Variants in KIF15 observed in about 807,000 individuals in gnomAD.
The protein encoded by KIF15 is kinesin family member 15.
In KIF15, 140 loss-of-function variants were observed where a neutral mutation model predicts 190.6. The observed-to-expected ratio is 0.73, with a 90% CI of 0.64 to 0.84. The LOEUF (loss-of-function observed/expected upper bound fraction) is 0.84. Ranked by LOEUF, KIF15 falls within the 40% of genes least tolerant of loss-of-function variation. The pLI, the probability that KIF15 is intolerant of heterozygous loss-of-function variation, is 0.00. For missense variants in KIF15, 1,372 were observed against 1,584.4 expected (o/e 0.87, Z 2.28); for synonymous variants, 528 against 551.3 (o/e 0.96, Z 0.59).
At chr3:44,864,118 C>T in intron 6 of KIF15, 1 of 1,583,074 alleles carries the variant, frequency 6.3e-7, no homozygotes, top group Non-Finnish European at 8.6e-7. Flanking sequence ...CCAGCAACCA[C>T]AGTCCTGGGT....
chr3:44,865,028 T>A (rs200958031), intron 6 of KIF15: 1 of 1,613,922 alleles, frequency 6.2e-7, no homozygotes, highest in South Asian at 1.1e-5. Flanking sequence ...CACAGCTATC[T>A]TTGTCTCGCA....
rs1262243626 is a variant in KIF15 at position 44,828,196 on chromosome 3, AT to A, written c.2857-15del. 2 of 1,579,640 alleles carry A rather than the reference AT, an allele frequency of 1.3e-6. No homozygotes were observed. The highest frequency in any genetic ancestry group is 1.7e-6 in the Non-Finnish European group (2 of 1,150,382). ...GCGATTTAATTATTCTTCTAAAAAT[AT>A]TTCTTTTTCACCATAGATGGCAAAA... is the stretch of plus-strand genomic sequence containing the variant. On this transcript the variant is annotated splice_polypyrimidine_tract_variant and intron_variant, in intron 23 of 34. Coordinates refer to ENST00000326047, the MANE Select transcript of KIF15 (RefSeq NM_020242.3).
rs1276739804 is a variant in KIF15 at position 44,801,959 on chromosome 3, A to G, written c.1494A>G (p.Gln498=). The change falls in exon 13 of 35, where the codon CAA becomes CAG. Residue 498 remains glutamine, a synonymous_variant. Transcript: ENST00000326047. ...TCTCAGAATTAAGGAATGAGATTCA[A>G]ACTCTGCGAGAACAAGTGAGTATAC... ...RLLSELRNEI[Q]TLREQIEHHP... 2.5e-6 allele frequency: 4 copies of G among 1,610,636 alleles called. No individual in the cohort carries two copies. In the Admixed American group the frequency reaches 6.7e-5, roughly 27 times the overall value.
intron 31 of KIF15, among the ~76,000 whole-genome samples, 161 bp from the exon 32 acceptor site, chr3:44,848,360 G>A (rs1249973784): frequency 5.9e-5 from 9 of 152,186 alleles, no homozygotes; most frequent in Non-Finnish European, 1.2e-4. Flanking sequence ...TTGGAAATAG[G>A]TACTTACTTT....
chr3:44,782,993 TAAAC>T (rs1575588176), intron 5 of KIF15, among the ~76,000 whole-genome samples: 1 of 152,116 alleles, frequency 6.6e-6, no homozygotes, highest in Admixed American at 6.5e-5. Flanking sequence ...TTTTTTAAAA[TAAAC>T]AAATAGGAAG....
downstream of KIF15, among the ~76,000 whole-genome samples, chr3:44,854,144 G>GGA (rs1424468854): frequency 6.6e-6 from 1 of 152,076 alleles, no homozygotes; most frequent in Non-Finnish European, 1.5e-5. Flanking sequence ...CAGCACTTTG[G>GGA]GAGGCCAAGG....
Position 44,774,408 on chromosome 3 carries a change from C to T in KIF15, c.33C>T (p.Ser11=), listed in dbSNP as rs139514584. Residue 11 remains serine (S), a synonymous_variant, in exon 2 of 35, where the codon AGC becomes AGT. Transcript: ENST00000326047. ...TTTTTTTTCTAGCTGAGTTACGCAG[C>T]GTGACAAATGGTCAGTCTAACCAAC... is the stretch of plus-strand genomic sequence containing the variant. MAPGCKTELR[S]VTNGQSNQPS... is the part of the protein sequence containing the mutation. 2.0e-4 allele frequency: 323 copies of T among 1,612,176 alleles called. 2 individuals are homozygous for T. Among genetic ancestry groups the T allele is most frequent in the Admixed American group, 1.3e-4 (8 of 59,894 alleles).
chr3:44,768,118 C>CA (rs1420304772), intron 1 of KIF15, among the ~76,000 whole-genome samples: 4 of 151,312 alleles, frequency 2.6e-5, no homozygotes, highest in African/African-American at 4.9e-5. Context: ...TACTAAAATA[C>CA]AAAAAATTAG....
At chr3:44,789,686 AT>A (rs1291742401) in intron 7 of KIF15, among the ~76,000 whole-genome samples, 15 of 83,800 alleles carry the variant, frequency 1.8e-4, no homozygotes, top group African/African-American at 6.4e-4. Flanking sequence ...ATATATATAT[AT>A]ATATAAAATA....
chr3:44,836,177 T>A (rs1220761921), intron 26 of KIF15, among the ~76,000 whole-genome samples: 1 of 151,924 alleles, frequency 6.6e-6, no homozygotes, highest in Non-Finnish European at 1.5e-5. Flanking sequence ...CGAAACCCCA[T>A]CTCTACTAAA....
chr3:44,788,291 T>G (rs576197044), intron 7 of KIF15, among the ~76,000 whole-genome samples: 1 of 152,352 alleles, frequency 6.6e-6, no homozygotes, highest in Admixed American at 6.5e-5. Context: ...TTGATGCTTT[T>G]TCCACCATTG....
intron 20 of KIF15, among the ~76,000 whole-genome samples, chr3:44,820,358 T>C (rs1243610686): frequency 1.3e-5 from 2 of 151,984 alleles, no homozygotes; most frequent in Admixed American, 1.3e-4. Context: ...TTTAAACTTT[T>C]ATTTATTTTT....
chr3:44,795,482 C>G (rs1418123381), intron 8 of KIF15, among the ~76,000 whole-genome samples: 1 of 152,112 alleles, frequency 6.6e-6, no homozygotes, highest in Non-Finnish European at 1.5e-5. Context: ...CTAAGTGATT[C>G]ATGAAGAAAG....
downstream of KIF15, among the ~76,000 whole-genome samples, chr3:44,855,451 T>G (rs1001209604): frequency 4.6e-5 from 7 of 152,212 alleles, no homozygotes; most frequent in African/African-American, 1.4e-4. Flanking sequence ...ACAGGAAATA[T>G]GATGGCTTAG....
chr3:44,828,358 C>A, intron 24 of KIF15, 58 bp downstream of exon 24: 1 of 1,234,558 alleles, frequency 8.1e-7, no homozygotes, highest in Non-Finnish European at 1.2e-6. Context: ...GCTAGTTTAA[C>A]ATTTTGTTCT....
At chr3:44,782,881 G>A (rs145548139) in intron 5 of KIF15, among the ~76,000 whole-genome samples, 65 of 152,318 alleles carry the variant, frequency 4.3e-4, no homozygotes, top group South Asian at 1.0e-3. Flanking sequence ...TAAGGGGCTG[G>A]TAGCATGGGA....
At chr3:44,800,031 C>T (rs889700297) in intron 10 of KIF15, among the ~76,000 whole-genome samples, 1 of 151,990 alleles carries the variant, frequency 6.6e-6, no homozygotes, top group Admixed American at 6.6e-5. Context: ...TGAACACACC[C>T]GGATCCTAAG....
chr3:44,776,178 A>C (rs1705881627), intron 3 of KIF15, among the ~76,000 whole-genome samples: 1 of 151,930 alleles, frequency 6.6e-6, no homozygotes, highest in African/African-American at 2.4e-5. Context: ...TTTTAAATTT[A>C]ATCTTATTAA....
chr3:44,790,408 A>G (rs1462061286), intron 7 of KIF15, among the ~76,000 whole-genome samples: 1 of 152,148 alleles, frequency 6.6e-6, no homozygotes, highest in Non-Finnish European at 1.5e-5. Flanking sequence ...TTACACAGAC[A>G]GTTGCCCCGG....
Sources: gnomAD v4.1 joint callset for allele counts (sites outside exome capture counted in the v4.1 genomes callset) on GRCh38, gnomAD v4.1.1 for gene constraint, MANE v1.5 for transcripts, NCBI Gene and HGNC (gene_info 2026-07-23, HGNC 2026-07-21) for gene names.